The following SLC36A1 variants were observed in gnomAD, a reference collection of about 807,000 sequenced individuals.
SLC36A1 encodes the protein solute carrier family 36 member 1.
In SLC36A1, 30 loss-of-function variants were observed where a neutral mutation model predicts 47.5. That is an observed-to-expected ratio of 0.63 (90% CI 0.47 to 0.86). SLC36A1 has a LOEUF of 0.86. Among genes scored for constraint, SLC36A1 ranks in the 40% least tolerant of loss-of-function variants. The probability of loss-of-function intolerance (pLI) is 0.00; values close to 1 mark genes in which losing one functional copy is unlikely to be tolerated. For synonymous variants in SLC36A1, 255 were observed against 249.7 expected, an observed-to-expected ratio of 1.02 and a Z score of -0.20; for missense variants, 517 against 606.0, an observed-to-expected ratio of 0.85 and a Z score of 1.54.
At chr5:151,382,012 T>G in the SLC36A1 span, 1 of 619,940 alleles carries the variant, frequency 1.6e-6, no homozygotes, top group Non-Finnish European at 2.9e-6. Flanking sequence ...ATGGCAGTGC[T>G]TATGCCCAGC....
At chr5:151,476,930 G>A (rs1461590397) in intron 9 of SLC36A1, 174 bp downstream of exon 9, 1 of 814,818 alleles carries the variant, frequency 1.2e-6, no homozygotes, top group Non-Finnish European at 2.1e-6. Context: ...TCTGTTTGGG[G>A]AATTCATGTA....
chr5:151,418,135 G>A, the SLC36A1 span, among the ~76,000 whole-genome samples: 1 of 152,250 alleles, frequency 6.6e-6, no homozygotes, highest in Non-Finnish European at 1.5e-5. Context: ...AGATTTCAGA[G>A]GATGTATGGA....
chr5:151,513,414 T>C, the SLC36A1 span, among the ~76,000 whole-genome samples: 1 of 152,030 alleles, frequency 6.6e-6, no homozygotes, highest in Non-Finnish European at 1.5e-5. Context: ...CATTCAGCCA[T>C]AAAAAAGAAT....
At chr5:151,469,170 C>T in intron 7 of SLC36A1, 1 of 655,532 alleles carries the variant, frequency 1.5e-6, no homozygotes, top group South Asian at 1.7e-5. Context: ...AACACAAATA[C>T]CTCTTGAATA....
At chr5:151,550,819 T>C in the SLC36A1 span, 2 of 1,613,856 alleles carry the variant, frequency 1.2e-6, no homozygotes, top group Admixed American at 1.7e-5. Context: ...ATAACGAGTT[T>C]CCAGAAACTG....
At chr5:151,402,687 C>A in the SLC36A1 span, among the ~76,000 whole-genome samples, 1 of 152,030 alleles carries the variant, frequency 6.6e-6, no homozygotes. Context: ...TTTTGAAGCT[C>A]ATTATTGGTC....
chr5:151,376,558 C>T, the SLC36A1 span, among the ~76,000 whole-genome samples: 1 of 152,210 alleles, frequency 6.6e-6, no homozygotes, highest in African/African-American at 2.4e-5. Flanking sequence ...AGGCATTTAA[C>T]TCTATAAACG....
rs1317800747 is a variant in SLC36A1, at chr5:151,467,179, C to G, written c.420-20C>G. 1 of 1,571,660 alleles carries G rather than the reference C, an allele frequency of 6.4e-7. No homozygotes were observed. Among genetic ancestry groups the G allele is most frequent in the Non-Finnish European group, 8.7e-7 (1 of 1,150,152 alleles). On this transcript the variant is annotated intron_variant, in intron 5 of 10. Coordinates refer to ENST00000243389, the MANE Select transcript of SLC36A1 (RefSeq NM_078483.4). ...TTTGTATTGTAACAGTCTTTGTATT[C>G]CTTCCTTCCCCACCTCCAGACGTGT...
chr5:151,397,007 G>A, the SLC36A1 span, among the ~76,000 whole-genome samples: 2 of 152,328 alleles, frequency 1.3e-5, no homozygotes, highest in Non-Finnish European at 2.9e-5. Flanking sequence ...CACCATCACT[G>A]TTAGTGATGT....
the SLC36A1 span, among the ~76,000 whole-genome samples, chr5:151,537,569 C>T: frequency 6.6e-6 from 1 of 152,196 alleles, no homozygotes; most frequent in South Asian, 2.1e-4. Context: ...TTTAAAACCA[C>T]TGATTCAATG....
the SLC36A1 span, among the ~76,000 whole-genome samples, chr5:151,541,348 CATTT>C: frequency 6.6e-6 from 1 of 152,216 alleles, no homozygotes; most frequent in Admixed American, 6.5e-5. Context: ...AACATGTTGA[CATTT>C]ATTACTCTAT....
At chr5:151,369,278 A>G in the SLC36A1 span, among the ~76,000 whole-genome samples, 1 of 152,230 alleles carries the variant, frequency 6.6e-6, no homozygotes, top group Non-Finnish European at 1.5e-5. Flanking sequence ...TTGTAATTCA[A>G]CTGTTATCAG....
chr5:151,367,891 TA>T, the SLC36A1 span, among the ~76,000 whole-genome samples: 1 of 152,198 alleles, frequency 6.6e-6, no homozygotes, highest in Non-Finnish European at 1.5e-5. Flanking sequence ...CTTGTCTTGC[TA>T]ATAACTCTCT....
chr5:151,500,366 G>T, the SLC36A1 span, among the ~76,000 whole-genome samples: 57 of 151,930 alleles, frequency 3.8e-4, 1 homozygote, highest in African/African-American at 1.4e-3. Context: ...TTAGGGTTTT[G>T]TTGTTGTTGT....
the SLC36A1 span, among the ~76,000 whole-genome samples, chr5:151,555,495 C>T: frequency 2.4e-3 from 360 of 151,432 alleles, 2 homozygotes; most frequent in African/African-American, 8.0e-3. Context: ...TCAGCCTCCC[C>T]GGTAGCTGGG....
chr5:151,358,769 C>T, the SLC36A1 span, among the ~76,000 whole-genome samples: 9,656 of 151,262 alleles, frequency 0.064, 409 homozygotes, highest in Non-Finnish European at 0.097. Flanking sequence ...GTCAGGAGAT[C>T]GAGACCATCC....
At chr5:151,347,359 G>A in the SLC36A1 span, 1 of 1,614,246 alleles carries the variant, frequency 6.2e-7, no homozygotes, top group Non-Finnish European at 8.5e-7. Context: ...AGAATGTAGA[G>A]TCCTTGTTCT....
At chr5:151,379,704 TAACAC>T in the SLC36A1 span, among the ~76,000 whole-genome samples, 1 of 152,196 alleles carries the variant, frequency 6.6e-6, no homozygotes, top group Non-Finnish European at 1.5e-5. Flanking sequence ...ATATTTAACT[TAACAC>T]AATATACCCC....
the SLC36A1 span, chr5:151,551,682 T>C: frequency 6.5e-7 from 1 of 1,534,186 alleles, no homozygotes; most frequent in Non-Finnish European, 8.9e-7. Flanking sequence ...GCTTTGGTTG[T>C]CAGGCTCAGA....
Sources: allele counts gnomAD v4.1 joint callset (sites outside exome capture counted in the v4.1 genomes callset), GRCh38; gene constraint gnomAD v4.1.1; transcripts MANE v1.5; gene names NCBI Gene and HGNC (gene_info 2026-07-23, HGNC 2026-07-21).